The following RTN4 variants were observed in gnomAD, a reference collection of about 807,000 sequenced individuals.
The protein encoded by RTN4 is reticulon 4, also known as reticulon-4.
Under a neutral mutation model 90.4 loss-of-function variants are expected in RTN4, and 32 were observed. That is an observed-to-expected ratio of 0.35 (90% CI 0.27 to 0.48). The LOEUF (loss-of-function observed/expected upper bound fraction) is 0.48. Among genes scored for constraint, RTN4 ranks in the 20% least tolerant of loss-of-function variants. The pLI is 0.99. For synonymous variants in RTN4, 629 were observed against 552.5 expected, an observed-to-expected ratio of 1.14 and a Z score of -1.94; for missense variants, 1,706 against 1,430.2, an observed-to-expected ratio of 1.19 and a Z score of -3.11.
chr2:55,022,929 ACCCTGCT>A (rs1681554535), intron 3 of RTN4, among the ~76,000 whole-genome samples: 1 of 149,848 alleles, frequency 6.7e-6, no homozygotes, highest in Non-Finnish European at 1.5e-5. Flanking sequence ...ACACACACAC[ACCCTGCT>A]CTCCCGCACA....
At chr2:55,135,900 C>T in the RTN4 span, among the ~76,000 whole-genome samples, 2 of 152,076 alleles carry the variant, frequency 1.3e-5, no homozygotes, top group East Asian at 1.9e-4. Context: ...TAGTTCATTC[C>T]TTCTTATTGC....
chr2:55,095,197 G>C (rs1430175932), intron 1 of RTN4, among the ~76,000 whole-genome samples: 5 of 152,020 alleles, frequency 3.3e-5, no homozygotes, highest in African/African-American at 1.2e-4. Context: ...AGAGGCATGT[G>C]CCTGTAATCC....
chr2:55,050,128 T>A lies in RTN4; in HGVS notation c.173A>T (p.Lys58Met). 1.3e-6 allele frequency: 2 copies of A among 1,519,266 alleles called. No homozygotes were observed. Among genetic ancestry groups the A allele is most frequent in the South Asian group, 2.4e-5 (2 of 82,666 alleles). 94.1% of individuals were successfully genotyped at this position (1,519,266 alleles called of 1,614,324 possible). Residue 58 changes from lysine to methionine, a missense_variant, in exon 1 of 9, where the codon AAG becomes ATG. By Grantham distance (95) the Lys-to-Met change is moderately conservative. Transcript: ENST00000337526. This position sits in a 1 kb window ranked among gnomAD's most constrained non-coding sequence, Gnocchi z 4.6. ...GGCCGCGGACAGCCCGGCGGCGGGC[T>A]TCCTCTCCAGCACCTCCAGCTCCTC... is the stretch of plus-strand genomic sequence containing the variant. ...DLEELEVLERKPAAGLSAAPV... is the reference protein window; with the variant it reads ...DLEELEVLERMPAAGLSAAPV...
chr2:55,050,135 C>A lies in RTN4; in HGVS notation c.166G>T (p.Glu56Ter). ...DEDLEELEVL[E>*]RKPAAGLSAA... Reference sequence around the variant, plus strand: ...GACAGCCCGGCGGCGGGCTTCCTCTCCAGCACCTCCAGCTCCTCCAGGTCT... The same window carrying A: ...GACAGCCCGGCGGCGGGCTTCCTCTACAGCACCTCCAGCTCCTCCAGGTCT... The change falls in exon 1 of 9, where the codon GAG becomes TAG. Residue 56 changes from glutamate (E) to a stop codon, truncating the protein, a stop_gained. Transcript: ENST00000337526. LOFTEE classifies it high-confidence loss of function. The surrounding 1 kb of genome is among the most constrained non-coding windows in gnomAD (Gnocchi z 4.6). The A allele has an allele frequency of 6.5e-7, 1 of 1,542,546 alleles. No homozygotes were observed. The highest frequency in any genetic ancestry group is 8.7e-7 in the Non-Finnish European group (1 of 1,152,542).
Position 54,973,145 on chromosome 2 carries a change from T to G in RTN4, c.*11A>C. ...TTAAAGATGAACTCCTACTAATTAT[T>G]TTGGGCGTTTTCATTCAGCTTTGCG... On this transcript the variant is annotated 3_prime_UTR_variant, in exon 9 of 9. Coordinates refer to ENST00000337526, the MANE Select transcript of RTN4 (RefSeq NM_020532.5). The G allele has an allele frequency of 1.2e-6, 2 of 1,601,604 alleles. No homozygotes were observed. The highest frequency in any genetic ancestry group is 1.7e-6 in the Non-Finnish European group (2 of 1,169,748).
intron 1 of RTN4, among the ~76,000 whole-genome samples, chr2:55,106,942 A>T (rs775792810): frequency 1.8e-4 from 27 of 152,176 alleles, no homozygotes; most frequent in Admixed American, 1.0e-3. Flanking sequence ...ATATCACCGT[A>T]AGTGTAAAAT....
chr2:54,977,744 A>T (rs1677756529), intron 5 of RTN4, among the ~76,000 whole-genome samples: 1 of 152,192 alleles, frequency 6.6e-6, no homozygotes, highest in Non-Finnish European at 1.5e-5. Flanking sequence ...ATACTATTTG[A>T]CTAGGAAAAT....
At chr2:55,135,989 G>A in the RTN4 span, among the ~76,000 whole-genome samples, 2 of 152,196 alleles carry the variant, frequency 1.3e-5, no homozygotes, top group Non-Finnish European at 2.9e-5. Context: ...GAGCAAGGCA[G>A]GAGAGGGCCC....
chr2:55,037,643 A>C (rs1169211324), intron 1 of RTN4, among the ~76,000 whole-genome samples: 1 of 152,182 alleles, frequency 6.6e-6, no homozygotes, highest in Non-Finnish European at 1.5e-5. Context: ...ATCCTCTGCC[A>C]GCATCCATGA....
In RTN4 at chr2:54,974,815, C is replaced by T. The variant is rs141859204; in HGVS notation, c.3361-51G>A. ...TATAAACAAAATTCAAGTAAAGTTTCTTAATTATGCTTTCAAAAGCATCCC... is the reference window on the plus strand; with the variant it reads ...TATAAACAAAATTCAAGTAAAGTTTTTTAATTATGCTTTCAAAAGCATCCC... On this transcript the variant is annotated intron_variant, in intron 5 of 8. Transcript: ENST00000337526. 6.5e-4 allele frequency: 966 copies of T among 1,489,330 alleles called. 1 individual carries two copies. Among genetic ancestry groups the T allele is most frequent in the Non-Finnish European group, 7.7e-4 (825 of 1,069,474 alleles). The allele number at this position is 1,489,330 out of a possible 1,614,324, so 92.3% of individuals were successfully genotyped here. A position where few individuals can be genotyped will look rare whatever the true frequency, so the allele number is the denominator to read the frequency against.
At chr2:55,110,179 C>T (rs867043562) in intron 1 of RTN4, among the ~76,000 whole-genome samples, 1 of 151,804 alleles carries the variant, frequency 6.6e-6, no homozygotes, top group African/African-American at 2.4e-5. Context: ...GGTATGGTGG[C>T]CTATGTCTGT....
intron 3 of RTN4, among the ~76,000 whole-genome samples, chr2:54,987,908 G>A (rs974264507): frequency 6.6e-6 from 1 of 152,228 alleles, no homozygotes; most frequent in East Asian, 1.9e-4. Flanking sequence ...TTTTGACCAC[G>A]AAATGTTTTT....
At chr2:55,106,527 C>CT (rs557258931) in intron 1 of RTN4, among the ~76,000 whole-genome samples, 86 of 150,006 alleles carry the variant, frequency 5.7e-4, no homozygotes, top group African/African-American at 3.7e-4. Flanking sequence ...ATTTATTAAA[C>CT]TTTTTTTTTT....
chr2:55,065,506 CTT>C (rs1668373462), intron 2 of RTN4, among the ~76,000 whole-genome samples: 1 of 151,614 alleles, frequency 6.6e-6, no homozygotes, highest in Non-Finnish European at 1.5e-5. Flanking sequence ...ATATCTAAAA[CTT>C]ATAAAATAAA....
In RTN4 at chr2:55,010,069, A is replaced by G. The variant is rs752000516; in HGVS notation, c.3013+15017T>C. On this transcript the variant is annotated intron_variant, in intron 3 of 8. Transcript: ENST00000337526. ...GTCACATATAAAAACTGAATAAGAAATTAAAAAGCAGATATACCCTTGTCC... is the reference window on the plus strand; with the variant it reads ...GTCACATATAAAAACTGAATAAGAAGTTAAAAAGCAGATATACCCTTGTCC... 3 of 1,612,618 alleles carry G rather than the reference A, an allele frequency of 1.9e-6. No homozygotes were observed. The South Asian group carries it at 3.3e-5, about 18-fold the overall frequency.
At chr2:54,973,748 C>T in intron 7 of RTN4, 73 bp downstream of exon 7, 1 of 1,527,172 alleles carries the variant, frequency 6.5e-7, no homozygotes. Flanking sequence ...AAAATGGGCA[C>T]TAATACATCC....
chr2:55,124,751 G>A, the RTN4 span, among the ~76,000 whole-genome samples: 1 of 152,170 alleles, frequency 6.6e-6, no homozygotes, highest in East Asian at 1.9e-4. Flanking sequence ...AGCCTGAATA[G>A]TGAAGGCAAT....
the RTN4 span, among the ~76,000 whole-genome samples, chr2:55,137,530 T>G: frequency 2.0e-5 from 3 of 152,084 alleles, no homozygotes; most frequent in African/African-American, 7.2e-5. Context: ...ATGGGAGTCA[T>G]GTGGAAGGGC....
At chr2:54,988,982 T>C (rs538404832) in intron 3 of RTN4, among the ~76,000 whole-genome samples, 82 of 152,358 alleles carry the variant, frequency 5.4e-4, no homozygotes, top group African/African-American at 1.6e-3. Context: ...AAAAAATTTA[T>C]AGTAAATATG....
Sources: allele counts gnomAD v4.1 joint callset (sites outside exome capture counted in the v4.1 genomes callset), GRCh38; gene constraint gnomAD v4.1.1; non-coding constraint Gnocchi (gnomAD v3.1); transcripts MANE v1.5; gene names NCBI Gene and HGNC (gene_info 2026-07-23, HGNC 2026-07-21).